RRM1: variants seen among roughly 807,000 people sequenced by gnomAD.
RRM1 encodes ribonucleoside-diphosphate reductase large subunit.
Under a neutral mutation model 101.5 loss-of-function variants are expected in RRM1, and 19 were observed. The observed-to-expected ratio is 0.19, with a 90% CI of 0.13 to 0.27. The LOEUF (loss-of-function observed/expected upper bound fraction) is 0.27. RRM1 is among the 10% of genes least tolerant of loss of function. The pLI is 1.00. For missense variants in RRM1, 500 were observed against 962.9 expected (o/e 0.52, Z 6.36); for synonymous variants, 298 against 323.4 (o/e 0.92, Z 0.84).
intron 7 of RRM1, 58 bp from the exon 8 acceptor site, chr11:4,118,262 A>G: frequency 6.6e-7 from 1 of 1,504,978 alleles, no homozygotes; most frequent in East Asian, 2.4e-5. Flanking sequence ...TTGAGTAATC[A>G]TTTTTGTGAC....
chr11:4,115,806 C>T (rs2094572269), intron 7 of RRM1, among the ~76,000 whole-genome samples: 1 of 152,176 alleles, frequency 6.6e-6, no homozygotes, highest in South Asian at 2.1e-4. Flanking sequence ...ATCCACCTGC[C>T]TGGGCCTCCC....
chr11:4,104,524 A>G lies in RRM1; in HGVS notation c.109-1522A>G, dbSNP rs533225251. ...TGCATTACCTGTCTTAAAAACTGGA[A>G]CTTATAATGTGGCCTTGAAAACAGT... On this transcript the variant is annotated intron_variant, in intron 2 of 18. Coordinates refer to ENST00000300738, the MANE Select transcript of RRM1 (RefSeq NM_001033.5). Among the ~76,000 whole-genome samples the G allele has an allele frequency of 6.6e-5, 10 of 152,312 alleles. No individual in the cohort carries two copies. In the East Asian group the frequency reaches 1.9e-3, roughly 29 times the overall value.
rs748347590 is a variant in RRM1, at chr11:4,118,437, G to C, written c.768G>C (p.Arg256=). The C allele has an allele frequency of 6.2e-7, 1 of 1,613,866 alleles. No individual in the cohort carries two copies. Among genetic ancestry groups the C allele is most frequent in the Admixed American group, 1.7e-5 (1 of 59,998 alleles). The change falls in exon 8 of 19, where the codon CGG becomes CGC. Residue 256 remains arginine (R), a synonymous_variant. Transcript: ENST00000300738. ...GGIGVAVSCI[R]ATGSYIAGTN... is the part of the protein sequence containing the mutation. ...TTGGTGTTGCTGTGAGTTGTATTCG[G>C]GCTACTGGCAGCTACATTGCTGGGG...
chr11:4,100,473 A>G (rs1003412869), intron 1 of RRM1, among the ~76,000 whole-genome samples: 1 of 152,236 alleles, frequency 6.6e-6, no homozygotes, highest in Non-Finnish European at 1.5e-5. Context: ...GAAATGGTCC[A>G]AGGAACATTT....
intron 7 of RRM1, among the ~76,000 whole-genome samples, chr11:4,117,325 G>A (rs551356397): frequency 2.6e-5 from 4 of 152,288 alleles, no homozygotes; most frequent in African/African-American, 7.2e-5. Context: ...TAAACACAAG[G>A]TGTTGTGTTC....
At chr11:4,137,936 CG>C in intron 18 of RRM1, 1 of 113,462 alleles carries the variant, frequency 8.8e-6, no homozygotes, top group Non-Finnish European at 2.0e-5. Flanking sequence ...GGCAGCTGGC[CG>C]GGCGGGGGGC....
chr11:4,095,101 C>T (rs912086549), intron 1 of RRM1, 70 bp downstream of exon 1: 76 of 1,511,246 alleles, frequency 5.0e-5, no homozygotes, highest in Non-Finnish European at 6.6e-5. Flanking sequence ...GAGCTGATGC[C>T]CAGACCGCCC....
At chr11:4,121,552 T>A (rs1194257263) in intron 9 of RRM1, 52 bp from the exon 10 acceptor site, 1 of 1,455,686 alleles carries the variant, frequency 6.9e-7, no homozygotes, top group East Asian at 2.3e-5. Flanking sequence ...AGACATGATG[T>A]TTCTTTGTTT....
In RRM1 at chr11:4,133,980, A is replaced by ATTTTTTTT. The variant is rs34715101; in HGVS notation, c.2001+339_2001+346dup. On this transcript the variant is annotated intron_variant, in intron 17 of 18. Transcript: ENST00000300738. ...GTCTAGGAACAGGAACCAGACATCA[A>ATTTTTTTT]TTTTTTTTTTTTTTTTTTTTTTTTG... 7.6e-3 allele frequency among the ~76,000 whole-genome samples: 687 copies of ATTTTTTTT among 90,836 alleles called. 58 individuals are homozygous for ATTTTTTTT. The highest frequency in any genetic ancestry group is 0.024 in the African/African-American group (534 of 22,198). 59.6% of individuals were successfully genotyped at this position (90,836 alleles called of 152,430 possible). A position where few individuals can be genotyped will look rare whatever the true frequency, so the allele number is the denominator to read the frequency against.
chr11:4,134,442 T>C (rs777642679), intron 17 of RRM1, among the ~76,000 whole-genome samples: 1 of 152,208 alleles, frequency 6.6e-6, no homozygotes, highest in Non-Finnish European at 1.5e-5. Flanking sequence ...TATTTGCAAC[T>C]AAGAGTCAAG....
rs770179085 is a variant in RRM1 at position 4,111,506 on chromosome 11, G to A, written c.448-95G>A. On this transcript the variant is annotated intron_variant, in intron 5 of 18. Transcript: ENST00000300738. ...TCATTTGAAATTTTATAGAAACGGC[G>A]AAGATTTAAAGAGATTGCCTTATTG... is the stretch of plus-strand genomic sequence containing the variant. 3.3e-5 allele frequency: 23 copies of A among 699,576 alleles called. No homozygotes were observed. In the South Asian group the frequency reaches 4.8e-4, roughly 15 times the overall value. 43.3% of individuals were successfully genotyped at this position (699,576 alleles called of 1,614,324 possible). A position where few individuals can be genotyped will look rare whatever the true frequency, so the allele number is the denominator to read the frequency against.
chr11:4,105,886 A>C (rs1161168846), intron 2 of RRM1, among the ~76,000 whole-genome samples, 160 bp from the exon 3 acceptor site: 4 of 151,694 alleles, frequency 2.6e-5, no homozygotes, highest in Non-Finnish European at 5.9e-5. Context: ...TAGTGTCGTG[A>C]ACTGCTAAGC....
intron 5 of RRM1, among the ~76,000 whole-genome samples, chr11:4,110,977 C>G (rs1330201590): frequency 6.6e-6 from 1 of 151,814 alleles, no homozygotes; most frequent in Non-Finnish European, 1.5e-5. Flanking sequence ...TAAGTGTTAG[C>G]TGTTGTGAAG....
chr11:4,108,466 C>T (rs2094561156), intron 4 of RRM1, among the ~76,000 whole-genome samples: 1 of 151,880 alleles, frequency 6.6e-6, no homozygotes, highest in South Asian at 2.1e-4. Flanking sequence ...GGTGTGGGAG[C>T]TGGTGCCTGT....
chr11:4,099,295 ATTTTTTT>A (rs34579912), intron 1 of RRM1: 1 of 76,974 alleles, frequency 1.3e-5, no homozygotes, highest in Non-Finnish European at 2.2e-5. Flanking sequence ...TACCCAGCTA[ATTTTTTT>A]TTTTTTTTTT....
intron 2 of RRM1, 138 bp downstream of exon 2, chr11:4,102,219 G>T: frequency 1.7e-6 from 1 of 597,034 alleles, no homozygotes. Context: ...TGAATTCATT[G>T]CTTAAAACAT....
chr11:4,102,229 T>G, intron 2 of RRM1, 148 bp downstream of exon 2: 1 of 509,094 alleles, frequency 2.0e-6, no homozygotes, highest in Non-Finnish European at 3.4e-6. Flanking sequence ...GCTTAAAACA[T>G]TTTTTTTTCC....
intron 4 of RRM1, among the ~76,000 whole-genome samples, chr11:4,108,597 CAAAAAAAAAAAA>C (rs754848612): frequency 1.4e-5 from 1 of 72,984 alleles, no homozygotes; most frequent in Non-Finnish European, 2.4e-5. Context: ...GACTCAGTCT[CAAAAAAAAAAAA>C]AAAAAAAAAG....
chr11:4,128,093 CTT>C (rs1402424070), intron 14 of RRM1, among the ~76,000 whole-genome samples: 1 of 151,640 alleles, frequency 6.6e-6, no homozygotes, highest in Non-Finnish European at 1.5e-5. Context: ...AGTCTAGTCT[CTT>C]TTGAGGGTTT....
Sources: allele counts gnomAD v4.1 joint callset (sites outside exome capture counted in the v4.1 genomes callset), GRCh38; gene constraint gnomAD v4.1.1; transcripts MANE v1.5; gene names NCBI Gene and HGNC (gene_info 2026-07-23, HGNC 2026-07-21).